Variants in TSHR observed in about 807,000 individuals in gnomAD.
The protein encoded by TSHR is thyroid stimulating hormone receptor.
In TSHR, 51 loss-of-function variants were observed where a neutral mutation model predicts 64.1. That is an observed-to-expected ratio of 0.80 (90% CI 0.64 to 1.01). The LOEUF is 1.01. Among genes scored for constraint, TSHR ranks in the 50% least tolerant of loss-of-function variants. The pLI is 0.00. For synonymous variants in TSHR, 361 were observed against 361.9 expected, an observed-to-expected ratio of 1.00 and a Z score of 0.03; for missense variants, 877 against 942.8, an observed-to-expected ratio of 0.93 and a Z score of 0.91.
At chr14:81,082,177 C>T (rs551633705) in intron 3 of TSHR, among the ~76,000 whole-genome samples, 5 of 152,286 alleles carry the variant, frequency 3.3e-5, no homozygotes, top group Non-Finnish European at 5.9e-5. Flanking sequence ...TTTATAGATA[C>T]TTGTTCTCTG....
At chr14:81,045,097 G>A (rs1489065506) in intron 1 of TSHR, among the ~76,000 whole-genome samples, 1 of 152,192 alleles carries the variant, frequency 6.6e-6, no homozygotes, top group East Asian at 1.9e-4. Flanking sequence ...GTCCTTTGCA[G>A]GGACATGGAT....
chr14:81,016,081 A>AACATGGGAATGCAGATATCTCTTTG (rs1219741694), intron 1 of TSHR, among the ~76,000 whole-genome samples: 6 of 152,214 alleles, frequency 3.9e-5, no homozygotes, highest in Non-Finnish European at 8.8e-5. Context: ...TGCTGCAATG[A>AACATGGGAATGCAGATATCTCTTTG]ACATGGGAAT....
intron 1 of TSHR, among the ~76,000 whole-genome samples, chr14:80,966,182 C>G (rs1391487417): frequency 6.6e-6 from 1 of 152,156 alleles, no homozygotes; most frequent in African/African-American, 2.4e-5. Flanking sequence ...GGTACTGTCA[C>G]TTTATATTTT....
chr14:81,092,335 C>T (rs1888805960), intron 5 of TSHR, among the ~76,000 whole-genome samples, 196 bp from the exon 6 acceptor site: 1 of 152,130 alleles, frequency 6.6e-6, no homozygotes, highest in Non-Finnish European at 1.5e-5. Context: ...GCTCCAGGTG[C>T]ATGTCATCTA....
intron 1 of TSHR, among the ~76,000 whole-genome samples, chr14:81,019,457 CTTTTT>C (rs1166193901): frequency 8.4e-6 from 1 of 118,388 alleles, no homozygotes; most frequent in Admixed American, 8.8e-5. Context: ...ATCATCAATT[CTTTTT>C]TTTTTTTTTT....
At chr14:81,055,923 C>CA (rs1201775236) in intron 1 of TSHR, among the ~76,000 whole-genome samples, 2 of 151,986 alleles carry the variant, frequency 1.3e-5, no homozygotes, top group Non-Finnish European at 2.9e-5. Flanking sequence ...GTTGGGGAGG[C>CA]ATGATTGGTT....
intron 7 of TSHR, among the ~76,000 whole-genome samples, chr14:81,102,109 T>C (rs1436286920): frequency 1.3e-5 from 2 of 151,190 alleles, no homozygotes; most frequent in Non-Finnish European, 2.9e-5. Flanking sequence ...GAGGCGGAGC[T>C]TGCAGTGAGC....
At chr14:81,139,474 G>A (rs1891590172) in intron 8 of TSHR, among the ~76,000 whole-genome samples, 1 of 152,162 alleles carries the variant, frequency 6.6e-6, no homozygotes, top group African/African-American at 2.4e-5. Context: ...ACTGGATACT[G>A]GAATTCCAAG....
intron 1 of TSHR, among the ~76,000 whole-genome samples, chr14:81,047,263 C>T (rs372930778): frequency 1.3e-5 from 2 of 150,636 alleles, no homozygotes; most frequent in African/African-American, 4.8e-5. Flanking sequence ...GCTTTTTGGC[C>T]GTTTTTCAAA....
intron 1 of TSHR, among the ~76,000 whole-genome samples, chr14:81,039,322 T>C (rs1250698919): frequency 6.6e-6 from 1 of 151,870 alleles, no homozygotes; most frequent in Non-Finnish European, 1.5e-5. Flanking sequence ...ACAAATTAGG[T>C]ATAGAAGGAA....
chr14:81,027,058 G>T (rs1232782478), intron 1 of TSHR, among the ~76,000 whole-genome samples: 4 of 151,082 alleles, frequency 2.6e-5, no homozygotes, highest in Non-Finnish European at 5.9e-5. Context: ...AAAAAGAAAG[G>T]CCTTAATGGG....
intron 1 of TSHR, among the ~76,000 whole-genome samples, chr14:80,977,166 A>T (rs1887925557): frequency 6.6e-6 from 1 of 152,202 alleles, no homozygotes; most frequent in Non-Finnish European, 1.5e-5. Context: ...ATGGAATTCT[A>T]TGTCTGTGGA....
intron 1 of TSHR, among the ~76,000 whole-genome samples, chr14:81,004,328 T>A (rs989736007): frequency 2.6e-5 from 4 of 152,220 alleles, no homozygotes; most frequent in Non-Finnish European, 4.4e-5. Context: ...CTCCTATATG[T>A]TCTACTCAGT....
intron 7 of TSHR, among the ~76,000 whole-genome samples, chr14:81,101,781 A>T (rs1889596645): frequency 6.6e-6 from 1 of 152,086 alleles, no homozygotes. Flanking sequence ...GTGTGGGAGG[A>T]AATTGGAATA....
intron 1 of TSHR, among the ~76,000 whole-genome samples, chr14:80,977,869 AACTGTAAGT>A (rs1345707969): frequency 7.2e-4 from 109 of 152,298 alleles, no homozygotes; most frequent in African/African-American, 2.4e-3. Context: ...TATAACTCTT[AACTGTAAGT>A]TCTGAGTTTA....
rs1188757158 is a variant in TSHR at position 81,144,943 on chromosome 14, T to C, written c.*590T>C. 1.3e-5 allele frequency: 3 copies of C among 234,618 alleles called. No homozygotes were observed. Among genetic ancestry groups the C allele is most frequent in the Admixed American group, 5.6e-5 (1 of 17,970 alleles). The allele number at this position is 234,618 out of a possible 1,614,324, so 14.5% of individuals were successfully genotyped here. On this transcript the variant is annotated 3_prime_UTR_variant, in exon 10 of 10. Coordinates refer to ENST00000298171, the MANE Select transcript of TSHR (RefSeq NM_000369.5). Reference sequence around the variant, plus strand: ...AGTTTTGTTTTGCTTTGTTTTGTTTTTTAACTCAACCTATTAATCATCTCT... The same window carrying C: ...AGTTTTGTTTTGCTTTGTTTTGTTTCTTAACTCAACCTATTAATCATCTCT...
intron 1 of TSHR, among the ~76,000 whole-genome samples, chr14:81,038,599 GAAAA>G (rs1447302772): frequency 6.6e-6 from 1 of 150,454 alleles, no homozygotes; most frequent in African/African-American, 2.4e-5. Context: ...GCTAGACAAA[GAAAA>G]AAGAGATAAT....
chr14:80,982,565 T>G, intron 1 of TSHR: 2 of 1,009,300 alleles, frequency 2.0e-6, no homozygotes, highest in East Asian at 2.9e-5. Flanking sequence ...CCTCAATCTG[T>G]GAGTAGGATA....
chr14:81,056,675 A>G (rs566235676), intron 1 of TSHR, among the ~76,000 whole-genome samples: 1 of 152,226 alleles, frequency 6.6e-6, no homozygotes, highest in South Asian at 2.1e-4. Context: ...TCCATAAGTC[A>G]AACTTATCAA....
Sources: gnomAD v4.1 joint callset for allele counts (sites outside exome capture counted in the v4.1 genomes callset) on GRCh38, gnomAD v4.1.1 for gene constraint, MANE v1.5 for transcripts, NCBI Gene and HGNC (gene_info 2026-07-23, HGNC 2026-07-21) for gene names.